Variants in SPSB1 observed in about 807,000 individuals in gnomAD.
The protein encoded by SPSB1 is splA/ryanodine receptor domain and SOCS box containing 1.
In SPSB1, 8 loss-of-function variants were observed where a neutral mutation model predicts 21.2. That is an observed-to-expected ratio of 0.38 (90% CI 0.22 to 0.68). The LOEUF (loss-of-function observed/expected upper bound fraction) is 0.68. Ranked by LOEUF, SPSB1 falls within the 30% of genes least tolerant of loss-of-function variation. SPSB1 has a pLI of 0.53. For missense variants in SPSB1, 242 were observed against 377.8 expected (o/e 0.64, Z 2.98); for synonymous variants, 169 against 161.7 (o/e 1.05, Z -0.34).
chr1:9,331,615 G>T (rs1046654384), intron 1 of SPSB1, among the ~76,000 whole-genome samples: 7 of 152,196 alleles, frequency 4.6e-5, no homozygotes, highest in Admixed American at 3.9e-4. Flanking sequence ...ACAGGCGTGA[G>T]TCACCGTGCC....
At chr1:9,360,043 A>T (rs1640444228) in intron 2 of SPSB1, among the ~76,000 whole-genome samples, 1 of 152,118 alleles carries the variant, frequency 6.6e-6, no homozygotes, top group South Asian at 2.1e-4. Flanking sequence ...CGCTTCTTCG[A>T]CACATCCAGG....
At chr1:9,340,389 C>T (rs936247681) in intron 1 of SPSB1, among the ~76,000 whole-genome samples, 11 of 152,128 alleles carry the variant, frequency 7.2e-5, no homozygotes, top group Middle Eastern at 3.2e-3. Context: ...AATTAAACCT[C>T]AGTGATTCAC....
intron 1 of SPSB1, among the ~76,000 whole-genome samples, chr1:9,331,816 G>A (rs184855798): frequency 3.3e-5 from 5 of 152,298 alleles, no homozygotes; most frequent in Non-Finnish European, 5.9e-5. Context: ...TGCAACGTGC[G>A]ATCTCATTAC....
At chr1:9,337,730 C>G (rs1640026967) in intron 1 of SPSB1, among the ~76,000 whole-genome samples, 1 of 152,212 alleles carries the variant, frequency 6.6e-6, no homozygotes, top group Non-Finnish European at 1.5e-5. Flanking sequence ...TCCGTGGAGG[C>G]TGCAGAGCCG....
Position 9,324,774 on chromosome 1 carries a change from A to G in SPSB1, c.-149-30969A>G, listed in dbSNP as rs1389832493. Among the ~76,000 whole-genome samples the G allele has an allele frequency of 6.6e-6, 1 of 152,186 alleles. No individual in the cohort carries two copies. The highest frequency in any genetic ancestry group is 1.9e-4 in the East Asian group (1 of 5,188). ...CCTCCGAGCCACAGCTCACTCTGACAAAAACGCTTGTGGCCCTGGACTTCT... is the reference window on the plus strand; with the variant it reads ...CCTCCGAGCCACAGCTCACTCTGACGAAAACGCTTGTGGCCCTGGACTTCT... On this transcript the variant is annotated intron_variant, in intron 1 of 2. Coordinates refer to ENST00000328089, the MANE Select transcript of SPSB1 (RefSeq NM_025106.4). This position sits in a 1 kb window ranked among gnomAD's most constrained non-coding sequence, Gnocchi z 4.3.
At chr1:9,344,868 G>C (rs1640145784) in intron 1 of SPSB1, among the ~76,000 whole-genome samples, 1 of 152,084 alleles carries the variant, frequency 6.6e-6, no homozygotes, top group Non-Finnish European at 1.5e-5. Context: ...TCCCTGGAGG[G>C]ACATGAGGGT....
chr1:9,335,066 G>T (rs58412622), intron 1 of SPSB1, among the ~76,000 whole-genome samples: 6,800 of 152,210 alleles, frequency 0.045, 306 homozygotes, highest in African/African-American at 0.11. Context: ...CCCAGAAGTG[G>T]ATTTTCTAGG....
At chr1:9,349,797 C>G (rs916490189) in intron 1 of SPSB1, among the ~76,000 whole-genome samples, 1 of 152,138 alleles carries the variant, frequency 6.6e-6, no homozygotes, top group Non-Finnish European at 1.5e-5. Flanking sequence ...CTCTCTTGAC[C>G]CTTCCTGATC....
intron 1 of SPSB1, among the ~76,000 whole-genome samples, chr1:9,331,321 GTTTTTTTTTTTTTT>G (rs34199175): frequency 1.9e-5 from 1 of 53,704 alleles, no homozygotes; most frequent in African/African-American, 8.0e-5. Flanking sequence ...TGGTGCTCTT[GTTTTTTTTTTTTTT>G]TTTTTTTTTT....
intron 1 of SPSB1, among the ~76,000 whole-genome samples, chr1:9,328,128 C>A (rs1639848659): frequency 6.6e-6 from 1 of 152,224 alleles, no homozygotes; most frequent in African/African-American, 2.4e-5. Flanking sequence ...CTCAGCTCTG[C>A]CACACACCTT....
intron 1 of SPSB1, among the ~76,000 whole-genome samples, chr1:9,316,902 T>C (rs1181777523): frequency 6.6e-6 from 1 of 152,020 alleles, no homozygotes; most frequent in Non-Finnish European, 1.5e-5. Flanking sequence ...GAAATGCGGG[T>C]ATAAGAGTGC....
intron 1 of SPSB1, among the ~76,000 whole-genome samples, chr1:9,329,829 G>A (rs1639885705): frequency 1.3e-5 from 2 of 152,168 alleles, no homozygotes; most frequent in Non-Finnish European, 2.9e-5. Flanking sequence ...GGGTGTGGAG[G>A]TAGAAGAGAG....
chr1:9,340,656 G>A (rs1483481473), intron 1 of SPSB1, among the ~76,000 whole-genome samples: 17 of 152,390 alleles, frequency 1.1e-4, no homozygotes, highest in Admixed American at 1.1e-3. Context: ...TCTGCGGTCT[G>A]AGCCGCCTGT....
At position 9,367,561 on chromosome 1, in the gene SPSB1, C is replaced by T; in HGVS notation, c.808C>T (p.Leu270Phe). 6.2e-7 allele frequency: 1 copy of T among 1,610,974 alleles called. No homozygotes were observed. Among genetic ancestry groups the T allele is most frequent in the Non-Finnish European group, 8.5e-7 (1 of 1,178,256 alleles). The change falls in exon 3 of 3, where the codon CTC (leucine) becomes TTC (phenylalanine). Residue 270 changes from leucine (L) to phenylalanine (F), a missense_variant. Leu to Phe is a conservative substitution (Grantham distance 22, BLOSUM62 0). Coordinates refer to ENST00000328089, the MANE Select transcript of SPSB1 (RefSeq NM_025106.4). The surrounding 1 kb of genome is among the most constrained non-coding windows in gnomAD (Gnocchi z 5.9). ...LPLPASLKAY[L>F]LYQ The stretch of plus-strand genomic sequence containing the variant: ...GCTGCCGGCTTCCCTCAAGGCCTAC[C>T]TCCTCTACCAGTGACGTTCGCCATC...
At chr1:9,325,321 T>C (rs546248981) in intron 1 of SPSB1, among the ~76,000 whole-genome samples, 1 of 150,924 alleles carries the variant, frequency 6.6e-6, no homozygotes, top group South Asian at 2.1e-4. Context: ...CAGTCTGGGC[T>C]GTGTGGGATT....
Position 9,363,516 on chromosome 1 carries a change from C to T in SPSB1, c.695-3932C>T, listed in dbSNP as rs1464019311. On this transcript the variant is annotated intron_variant, in intron 2 of 2. Coordinates refer to ENST00000328089, the MANE Select transcript of SPSB1 (RefSeq NM_025106.4). The surrounding 1 kb of genome is among the most constrained non-coding windows in gnomAD (Gnocchi z 4.5). ...CCCTTTGGAGTCCATGGCTCTCAGA[C>T]CTTGGACCTGTAACTCTCACCTCCC... Among the ~76,000 whole-genome samples the T allele has an allele frequency of 3.3e-5, 5 of 152,056 alleles. No homozygotes were observed. The highest frequency in any genetic ancestry group is 1.3e-4 in the Admixed American group (2 of 15,264).
At chr1:9,302,889 C>G (rs1380110925) in intron 1 of SPSB1, among the ~76,000 whole-genome samples, 2 of 152,150 alleles carry the variant, frequency 1.3e-5, no homozygotes, top group African/African-American at 2.4e-5. Context: ...CATCATATCC[C>G]CTAGGGACCC....
intron 1 of SPSB1, among the ~76,000 whole-genome samples, chr1:9,304,661 G>A (rs556809113): frequency 6.6e-6 from 1 of 152,234 alleles, no homozygotes; most frequent in South Asian, 2.1e-4. Context: ...GGGGGTCATC[G>A]TGAATAATGA....
chr1:9,329,700 A>G (rs577343232), intron 1 of SPSB1, among the ~76,000 whole-genome samples: 1 of 136,762 alleles, frequency 7.3e-6, no homozygotes, highest in South Asian at 2.2e-4. Context: ...TTCAAAAACA[A>G]CAACAAAAAA....
Sources: allele counts gnomAD v4.1 joint callset (sites outside exome capture counted in the v4.1 genomes callset), GRCh38; gene constraint gnomAD v4.1.1; non-coding constraint Gnocchi (gnomAD v3.1); transcripts MANE v1.5; gene names NCBI Gene and HGNC (gene_info 2026-07-23, HGNC 2026-07-21).